The following SNTG1 variants were observed in gnomAD, a reference collection of about 807,000 sequenced individuals.
SNTG1 encodes syntrophin gamma 1, also known as gamma-1-syntrophin.
Under a neutral mutation model 74.7 loss-of-function variants are expected in SNTG1, and 39 were observed. The ratio of observed to expected loss-of-function variants is 0.52; its 90% CI spans 0.40 to 0.68. The LOEUF (loss-of-function observed/expected upper bound fraction) is 0.68. Ranked by LOEUF, SNTG1 falls within the 30% of genes least tolerant of loss-of-function variation. The pLI, the probability that SNTG1 is intolerant of heterozygous loss-of-function variation, is 0.00. For missense variants in SNTG1, 685 were observed against 609.5 expected (o/e 1.12, Z -1.30); for synonymous variants, 254 against 217.1 (o/e 1.17, Z -1.49).
rs2094692051 is a variant in SNTG1 at position 50,591,579 on chromosome 8, A to G, written c.849+662A>G. 2.0e-5 allele frequency among the ~76,000 whole-genome samples: 3 copies of G among 152,220 alleles called. No individual in the cohort carries two copies. In the South Asian group the frequency reaches 6.2e-4, roughly 32 times the overall value. On this transcript the variant is annotated intron_variant, in intron 13 of 18. Coordinates refer to ENST00000642720, the MANE Select transcript of SNTG1 (RefSeq NM_018967.5). ...ACTATCCTGTAAGTTTATTTTGAGG[A>G]TTAAATAATAGCACATGTAAAGTTC...
chr8:50,558,654 G>T (rs2094470262), intron 12 of SNTG1, among the ~76,000 whole-genome samples: 2 of 149,118 alleles, frequency 1.3e-5, no homozygotes. Flanking sequence ...TTTCCTTCTT[G>T]GCTCTAACTG....
chr8:50,784,594 C>T (rs2095669441), intron 18 of SNTG1, among the ~76,000 whole-genome samples: 2 of 152,096 alleles, frequency 1.3e-5, no homozygotes, highest in Non-Finnish European at 2.9e-5. Context: ...TAGTTGTAGA[C>T]ATCAGTACCC....
rs191642287 is a variant in SNTG1 at position 50,708,762 on chromosome 8, C to A, written c.1192-124C>A. ...TGTTGATAATACTCCCTTCTTTATACAATTATTGTTAATATTAAATTAGAT... is the reference window on the plus strand; with the variant it reads ...TGTTGATAATACTCCCTTCTTTATAAAATTATTGTTAATATTAAATTAGAT... On this transcript the variant is annotated intron_variant, in intron 16 of 18. Transcript: ENST00000642720. 114 of 602,342 alleles carry A rather than the reference C, an allele frequency of 1.9e-4. 1 individual carries two copies. Among genetic ancestry groups the A allele is most frequent in the African/African-American group, 1.7e-3 (91 of 54,246 alleles). The allele number at this position is 602,342 out of a possible 1,614,324, so 37.3% of individuals were successfully genotyped here. A position where few individuals can be genotyped will look rare whatever the true frequency, so the allele number is the denominator to read the frequency against.
chr8:50,475,209 C>T (rs1199867768), intron 8 of SNTG1, among the ~76,000 whole-genome samples: 1 of 148,738 alleles, frequency 6.7e-6, no homozygotes, highest in African/African-American at 2.5e-5. Flanking sequence ...CATATGTACC[C>T]TAAAACTTAA....
At chr8:50,440,419 A>C (rs911732305) in intron 5 of SNTG1, among the ~76,000 whole-genome samples, 1 of 151,940 alleles carries the variant, frequency 6.6e-6, no homozygotes, top group South Asian at 2.1e-4. Context: ...TCTTTCTTTT[A>C]ACTAGCAGTG....
intron 2 of SNTG1, among the ~76,000 whole-genome samples, chr8:50,231,498 A>G (rs559873225): frequency 6.6e-6 from 1 of 151,532 alleles, no homozygotes; most frequent in African/African-American, 2.4e-5. Flanking sequence ...CTATGAAGGG[A>G]TGAATGAATA....
chr8:50,385,908 C>A (rs536609882), intron 2 of SNTG1, among the ~76,000 whole-genome samples: 18 of 152,270 alleles, frequency 1.2e-4, no homozygotes, highest in African/African-American at 4.3e-4. Context: ...TCTGCATAGG[C>A]CAAGTAGGTC....
At chr8:50,791,337 A>C (rs1433741912) in intron 18 of SNTG1, among the ~76,000 whole-genome samples, 1 of 151,912 alleles carries the variant, frequency 6.6e-6, no homozygotes, top group African/African-American at 2.4e-5. Context: ...AGAATAGTTA[A>C]ATGAATAACC....
intron 1 of SNTG1, among the ~76,000 whole-genome samples, chr8:49,975,239 C>G (rs992659356): frequency 6.6e-6 from 1 of 152,206 alleles, no homozygotes; most frequent in Non-Finnish European, 1.5e-5. Flanking sequence ...ATCACCTCAA[C>G]TGCCGAGATT....
intron 8 of SNTG1, chr8:50,457,196 C>T (rs1317270042): frequency 6.6e-6 from 1 of 152,090 alleles, no homozygotes; most frequent in East Asian, 1.9e-4. Context: ...TTGCTTAGGT[C>T]TTTTTCAGGT....
At chr8:50,774,672 G>A (rs1050139865) in intron 18 of SNTG1, among the ~76,000 whole-genome samples, 20 of 151,634 alleles carry the variant, frequency 1.3e-4, no homozygotes, top group Middle Eastern at 3.4e-3. Flanking sequence ...TTCAATATAA[G>A]TGACAGTATA....
intron 17 of SNTG1, among the ~76,000 whole-genome samples, chr8:50,736,497 T>C (rs116923354): frequency 1.3e-5 from 2 of 152,156 alleles, no homozygotes; most frequent in East Asian, 3.9e-4. Context: ...CACACCCCAC[T>C]GTCAATATAA....
intron 18 of SNTG1, among the ~76,000 whole-genome samples, chr8:50,771,609 G>A (rs1289223211): frequency 1.3e-5 from 2 of 151,980 alleles, no homozygotes; most frequent in South Asian, 2.1e-4. Context: ...GTTGGGTCCA[G>A]TGAGTAGTTG....
At chr8:50,657,521 A>G (rs2095190770) in intron 14 of SNTG1, among the ~76,000 whole-genome samples, 1 of 152,160 alleles carries the variant, frequency 6.6e-6, no homozygotes. Flanking sequence ...CTAGTAATTT[A>G]TTATTAGCAA....
intron 1 of SNTG1, among the ~76,000 whole-genome samples, chr8:50,089,598 A>T (rs1275270317): frequency 2.0e-5 from 3 of 152,204 alleles, no homozygotes; most frequent in Admixed American, 6.5e-5. Context: ...TGGGCGAAAG[A>T]CATGAACAGA....
At chr8:50,699,038 CA>C (rs1394273385) in intron 15 of SNTG1, among the ~76,000 whole-genome samples, 1 of 151,950 alleles carries the variant, frequency 6.6e-6, no homozygotes, top group Non-Finnish European at 1.5e-5. Context: ...TGTTTGTAAA[CA>C]AAAAAGTTAC....
intron 2 of SNTG1, among the ~76,000 whole-genome samples, chr8:50,368,221 A>T (rs1333985854): frequency 6.6e-6 from 1 of 152,194 alleles, no homozygotes; most frequent in African/African-American, 2.4e-5. Flanking sequence ...TTCTTGTTAT[A>T]TAGTGGCAAA....
chr8:50,360,835 G>T (rs901136604), intron 2 of SNTG1, among the ~76,000 whole-genome samples: 1 of 152,066 alleles, frequency 6.6e-6, no homozygotes, highest in African/African-American at 2.4e-5. Flanking sequence ...CAGTATAGAA[G>T]TTGCTGTGCA....
At chr8:50,528,017 T>A (rs1383264840) in intron 9 of SNTG1, among the ~76,000 whole-genome samples, 1 of 152,032 alleles carries the variant, frequency 6.6e-6, no homozygotes, top group Non-Finnish European at 1.5e-5. Context: ...TATTGCAACA[T>A]AGCATAATTC....
Sources: allele counts gnomAD v4.1 joint callset (sites outside exome capture counted in the v4.1 genomes callset), GRCh38; gene constraint gnomAD v4.1.1; transcripts MANE v1.5; gene names NCBI Gene and HGNC (gene_info 2026-07-23, HGNC 2026-07-21).